MBOAT1: variants seen among roughly 807,000 people sequenced by gnomAD.
MBOAT1 encodes the protein membrane bound glycerophospholipid O-acyltransferase 1.
MBOAT1 carries 67 observed loss-of-function variants against 64.4 expected under a neutral mutation model. That is an observed-to-expected ratio of 1.04 (90% CI 0.85 to 1.27). MBOAT1 has a LOEUF of 1.27. Ranked by LOEUF, MBOAT1 falls within the 50% of genes most tolerant of loss-of-function variation. The probability of loss-of-function intolerance (pLI) is 0.00; values close to 1 mark genes in which losing one functional copy is unlikely to be tolerated. For synonymous variants in MBOAT1, 229 were observed against 218.9 expected, an observed-to-expected ratio of 1.05 and a Z score of -0.41; for missense variants, 563 against 604.6, an observed-to-expected ratio of 0.93 and a Z score of 0.72.
chr6:20,109,692 C>T lies in MBOAT1; in HGVS notation c.1267G>A (p.Asp423Asn), dbSNP rs145880002. The change falls in exon 12 of 13, where the codon GAT becomes AAT. Residue 423 changes from aspartate (D) to asparagine (N), a missense_variant. Transcript: ENST00000324607. ...TGAGTGACGGCCCAGGTGCCTGCAT[C>T]ATACACAGCCTTGAGAGCTCTTGAA... is the stretch of plus-strand genomic sequence containing the variant. The part of the protein sequence containing the change: ...LSSRALKAVY[D>N]AGTWAVTQLA... The T allele has an allele frequency of 1.2e-5, 20 of 1,614,030 alleles. No homozygotes were observed. Among genetic ancestry groups the T allele is most frequent in the Non-Finnish European group, 1.6e-5 (19 of 1,180,022 alleles).
chr6:20,193,028 C>T (rs530508943), intron 1 of MBOAT1, among the ~76,000 whole-genome samples: 12 of 22,812 alleles, frequency 5.3e-4, no homozygotes, highest in Non-Finnish European at 6.4e-4. Context: ...TTTTTTGAGA[C>T]GGAGTCTCGC....
At chr6:20,120,624 G>A (rs572526832) in intron 8 of MBOAT1, among the ~76,000 whole-genome samples, 17 of 151,936 alleles carry the variant, frequency 1.1e-4, no homozygotes, top group South Asian at 2.1e-4. Flanking sequence ...AGCCAAGATC[G>A]CGCCATTGCA....
rs1203357273 is a variant in MBOAT1, at chr6:20,146,964, G to C, written c.324-2649C>G. Among the ~76,000 whole-genome samples, 3 of 152,286 alleles carry C rather than the reference G, an allele frequency of 2.0e-5. No individual in the cohort carries two copies. The East Asian group carries it at 5.8e-4, about 29-fold the overall frequency. ...GCTCCCAAATTCCCACGTGTTGTGG[G>C]AGGGACCCAGTGGGAGGTAATTGAA... On this transcript the variant is annotated intron_variant, in intron 3 of 12. Coordinates refer to ENST00000324607, the MANE Select transcript of MBOAT1 (RefSeq NM_001080480.3).
chr6:20,196,843 C>T (rs1240173687), intron 1 of MBOAT1, among the ~76,000 whole-genome samples: 3 of 144,498 alleles, frequency 2.1e-5, no homozygotes, highest in African/African-American at 5.2e-5. Flanking sequence ...GCCTGGGCAA[C>T]AAGAGCGAAA....
intron 4 of MBOAT1, among the ~76,000 whole-genome samples, chr6:20,135,032 T>C (rs1760941970): frequency 6.6e-6 from 1 of 151,658 alleles, no homozygotes. Flanking sequence ...ACAATTTCCT[T>C]AAAATTATGA....
intron 4 of MBOAT1, among the ~76,000 whole-genome samples, chr6:20,143,628 A>C (rs1427600269): frequency 6.6e-6 from 1 of 152,210 alleles, no homozygotes; most frequent in Admixed American, 6.5e-5. Flanking sequence ...GAGGAGGGAG[A>C]GGATCAGGAA....
At position 20,102,417 on chromosome 6, in the gene MBOAT1, G is replaced by A. The variant is rs376196752; in HGVS notation, c.1362-5C>T. ...TGCAAATAAAAGTACATGGACCTGG[G>A]AATAAAAATATACAAAAATTATATT... On this transcript the variant is annotated splice_region_variant and splice_polypyrimidine_tract_variant and intron_variant, in intron 12 of 12. Transcript: ENST00000324607. 164 of 1,592,628 alleles carry A rather than the reference G, an allele frequency of 1.0e-4. No homozygotes were observed. Among genetic ancestry groups the A allele is most frequent in the Middle Eastern group, 1.7e-4 (1 of 6,004 alleles).
chr6:20,206,196 T>C (rs921845310), intron 1 of MBOAT1, among the ~76,000 whole-genome samples: 6 of 151,986 alleles, frequency 3.9e-5, no homozygotes, highest in African/African-American at 1.5e-4. Context: ...TTTTTTGAGA[T>C]GGAGTCTCGC....
rs113970071 is a variant in MBOAT1, at chr6:20,128,744, C to G, written c.485G>C (p.Arg162Pro). ...TTCAGCAGAAAGGTCTTCAGCTCTT[C>G]GACCTAATCCTATGAAAAAGAAAAG... ...LAFQVHDGLG[R>P]RAEDLSAEQH... Residue 162 changes from arginine to proline, a missense_variant, in exon 6 of 13, where the codon CGA becomes CCA. Coordinates refer to ENST00000324607, the MANE Select transcript of MBOAT1 (RefSeq NM_001080480.3). The G allele has an allele frequency of 2.5e-6, 4 of 1,601,692 alleles. No homozygotes were observed. In the East Asian group the frequency reaches 8.9e-5, roughly 36 times the overall value.
chr6:20,209,385 A>C (rs1763354445), intron 1 of MBOAT1, among the ~76,000 whole-genome samples: 1 of 152,212 alleles, frequency 6.6e-6, no homozygotes, highest in South Asian at 2.1e-4. Flanking sequence ...TCCTAACCAC[A>C]CACAGGCTTT....
In MBOAT1 at chr6:20,192,995, C is replaced by CTTTTTTTTTTTTTTTTTTTTTTTT. The variant is rs1174816793; in HGVS notation, c.99+19117_99+19140dup. Among the ~76,000 whole-genome samples the CTTTTTTTTTTTTTTTTTTTTTTTT allele has an allele frequency of 1.8e-4, 10 of 55,036 alleles. 2 individuals are homozygous for CTTTTTTTTTTTTTTTTTTTTTTTT. The highest frequency in any genetic ancestry group is 2.5e-4 in the African/African-American group (4 of 15,774). The allele number at this position is 55,036 out of a possible 152,430, so 36.1% of individuals were successfully genotyped here. ...TTATTCAGCTGGTATGCTATAATTT[C>CTTTTTTTTTTTTTTTTTTTTTTTT]TTTTTTTTTTTTTTTTTTTTTTTTT... is the stretch of plus-strand genomic sequence containing the variant. On this transcript the variant is annotated intron_variant, in intron 1 of 12. Transcript: ENST00000324607.
intron 9 of MBOAT1, 120 bp downstream of exon 9, chr6:20,118,317 C>G: frequency 1.3e-6 from 1 of 758,618 alleles, no homozygotes; most frequent in Non-Finnish European, 2.2e-6. Flanking sequence ...CTGAGCCTGG[C>G]AATTCCCTGA....
intron 6 of MBOAT1, among the ~76,000 whole-genome samples, chr6:20,128,115 G>A (rs1760715129): frequency 6.6e-6 from 1 of 151,350 alleles, no homozygotes; most frequent in Non-Finnish European, 1.5e-5. Context: ...TGCACCCGAT[G>A]TGCTACCCCA....
In MBOAT1 at chr6:20,180,256, T is replaced by C. The variant is rs191933508; in HGVS notation, c.100-27487A>G. Among the ~76,000 whole-genome samples the C allele has an allele frequency of 3.3e-5, 5 of 152,306 alleles. No individual in the cohort carries two copies. In the East Asian group the frequency reaches 9.7e-4, roughly 29 times the overall value. The stretch of plus-strand genomic sequence containing the variant: ...CTCTGAAGAGAGGACCCTTATCCAG[T>C]AGACCTTCGCTTTGCCCAGAGAGCA... On this transcript the variant is annotated intron_variant, in intron 1 of 12. Coordinates refer to ENST00000324607, the MANE Select transcript of MBOAT1 (RefSeq NM_001080480.3).
chr6:20,113,992 G>C (rs778763064), intron 10 of MBOAT1, among the ~76,000 whole-genome samples: 2 of 152,108 alleles, frequency 1.3e-5, no homozygotes, highest in Non-Finnish European at 2.9e-5. Flanking sequence ...GATGAACACA[G>C]GACTGAGACC....
intron 1 of MBOAT1, among the ~76,000 whole-genome samples, chr6:20,160,100 G>A (rs1228240155): frequency 1.3e-5 from 2 of 152,258 alleles, no homozygotes; most frequent in Non-Finnish European, 2.9e-5. Flanking sequence ...CAAAGTCGCC[G>A]CAAAGAAATA....
intron 4 of MBOAT1, among the ~76,000 whole-genome samples, chr6:20,134,869 C>T (rs1312367444): frequency 6.8e-6 from 1 of 147,442 alleles, no homozygotes; most frequent in African/African-American, 2.5e-5. Flanking sequence ...CAATTCAGAA[C>T]ACATTTATTG....
intron 1 of MBOAT1, 83 bp downstream of exon 1, chr6:20,212,053 G>A: frequency 2.4e-6 from 3 of 1,242,176 alleles, no homozygotes; most frequent in Non-Finnish European, 3.4e-6. Flanking sequence ...TGGAGGCGGA[G>A]GGACGGTGGC....
At position 20,112,745 on chromosome 6, in the gene MBOAT1, T is replaced by C. The variant is rs551621592; in HGVS notation, c.1209+131A>G. On this transcript the variant is annotated intron_variant, in intron 11 of 12. Coordinates refer to ENST00000324607, the MANE Select transcript of MBOAT1 (RefSeq NM_001080480.3). ...TCTCTAATGGGAAGACTCTTGCATA[T>C]TGTTTGATTTTTCAAAACATCACTC... 6.6e-4 allele frequency: 627 copies of C among 953,966 alleles called. 1 individual carries two copies. Among genetic ancestry groups the C allele is most frequent in the Non-Finnish European group, 9.3e-4 (593 of 638,744 alleles). The allele number at this position is 953,966 out of a possible 1,614,324, so 59.1% of individuals were successfully genotyped here.
Sources: allele counts gnomAD v4.1 joint callset (sites outside exome capture counted in the v4.1 genomes callset), GRCh38; gene constraint gnomAD v4.1.1; transcripts MANE v1.5; gene names NCBI Gene and HGNC (gene_info 2026-07-23, HGNC 2026-07-21).